Variants in ETV6 observed in about 807,000 individuals in gnomAD.
The protein encoded by ETV6 is ETS variant transcription factor 6, also known as transcription factor ETV6.
ETV6 carries 16 observed loss-of-function variants against 51.1 expected under a neutral mutation model. The ratio of observed to expected loss-of-function variants is 0.31; its 90% CI spans 0.21 to 0.48. The LOEUF (loss-of-function observed/expected upper bound fraction) is 0.48, where lower values mean the gene tolerates loss of function less well. Among genes scored for constraint, ETV6 ranks in the 20% least tolerant of loss-of-function variants. The pLI, the probability that ETV6 is intolerant of heterozygous loss-of-function variation, is 0.99. For synonymous variants in ETV6, 240 were observed against 224.1 expected (o/e 1.07, Z -0.64); for missense variants, 458 against 594.8 (o/e 0.77, Z 2.39).
At chr12:11,726,136 A>G (rs115626291) in intron 1 of ETV6, among the ~76,000 whole-genome samples, 16 of 152,318 alleles carry the variant, frequency 1.1e-4, no homozygotes, top group African/African-American at 3.8e-4. Flanking sequence ...AGAAATGTTT[A>G]TGTACTCTAG....
At chr12:11,757,464 C>T (rs1945024536) in intron 2 of ETV6, among the ~76,000 whole-genome samples, 1 of 151,362 alleles carries the variant, frequency 6.6e-6, no homozygotes. Flanking sequence ...TGAACGTGAT[C>T]ATCATTATTA....
chr12:11,776,364 G>A (rs1464766712), intron 2 of ETV6, among the ~76,000 whole-genome samples: 1 of 150,938 alleles, frequency 6.6e-6, no homozygotes. Flanking sequence ...TTGATTTTTA[G>A]AATAATAAAA....
chr12:11,745,427 T>C (rs1268243741), intron 1 of ETV6, among the ~76,000 whole-genome samples: 1 of 152,258 alleles, frequency 6.6e-6, no homozygotes, highest in Admixed American at 6.5e-5. Context: ...GGCTCTGTCC[T>C]CTGCTACTAC....
intron 1 of ETV6, among the ~76,000 whole-genome samples, chr12:11,667,878 T>A (rs1864225960): frequency 6.6e-6 from 1 of 151,960 alleles, no homozygotes; most frequent in Non-Finnish European, 1.5e-5. Context: ...AATTTTGTAT[T>A]TTTAGCAGAG....
At chr12:11,706,567 G>T (rs908464509) in intron 1 of ETV6, among the ~76,000 whole-genome samples, 2 of 152,190 alleles carry the variant, frequency 1.3e-5, no homozygotes, top group East Asian at 3.8e-4. Context: ...TCCTTACCTG[G>T]CAGGTTACTG....
At position 11,869,750 on chromosome 12, in the gene ETV6, C is replaced by G. The variant is rs745867456; in HGVS notation, c.790C>G (p.Arg264Gly). 6.2e-7 allele frequency: 1 copy of G among 1,613,680 alleles called. No individual in the cohort carries two copies. Among genetic ancestry groups the G allele is most frequent in the Non-Finnish European group, 8.5e-7 (1 of 1,180,024 alleles). Residue 264 changes from arginine to glycine, a missense_variant, in exon 5 of 8, where the codon CGC (arginine) becomes GGC (glycine). By Grantham distance (125) the Arg-to-Gly change is moderately radical. Around this residue, in one of 4 missense-constraint regions of ETV6, gnomAD observed 293 missense variants for 315.7 expected, o/e 0.93. Transcript: ENST00000396373. The surrounding 1 kb of genome is among the most constrained non-coding windows in gnomAD (Gnocchi z 5.0). ...ATCCAGCCCCCGGCAGGAGAGCACA[C>G]GCGTGATCCAGCTGATGCCCAGCCC... is the stretch of plus-strand genomic sequence containing the variant. ...KPSSPRQEST[R>G]VIQLMPSPIM...
intron 4 of ETV6, among the ~76,000 whole-genome samples, chr12:11,854,944 A>C (rs866092992): frequency 4.6e-5 from 7 of 152,198 alleles, no homozygotes; most frequent in Admixed American, 1.3e-4. Flanking sequence ...CCAGAATTTA[A>C]TTTAGGCCCT....
In ETV6 at chr12:11,891,986, T is replaced by A. The variant is rs1393669333; in HGVS notation, c.*940T>A. The A allele has an allele frequency of 8.5e-6, 2 of 234,438 alleles. No homozygotes were observed. Among genetic ancestry groups the A allele is most frequent in the Admixed American group, 5.6e-5 (1 of 17,960 alleles). 14.5% of individuals were successfully genotyped at this position (234,438 alleles called of 1,614,324 possible). On this transcript the variant is annotated 3_prime_UTR_variant, in exon 8 of 8. Coordinates refer to ENST00000396373, the MANE Select transcript of ETV6 (RefSeq NM_001987.5). ...GATAAGGATGGAAGGCTGTCCAAGTTATTTGGAAGGCCTCGGCAGCTTGGG... is the reference window on the plus strand; with the variant it reads ...GATAAGGATGGAAGGCTGTCCAAGTAATTTGGAAGGCCTCGGCAGCTTGGG...
At chr12:11,685,477 T>A (rs1229907551) in intron 1 of ETV6, among the ~76,000 whole-genome samples, 1 of 152,168 alleles carries the variant, frequency 6.6e-6, no homozygotes, top group African/African-American at 2.4e-5. Context: ...TTGGGACACT[T>A]CCTAATTTTT....
chr12:11,869,443 C>T lies in ETV6; in HGVS notation c.483C>T (p.Thr161=). The T allele has an allele frequency of 6.2e-7, 1 of 1,611,694 alleles. No homozygotes were observed. The highest frequency in any genetic ancestry group is 8.5e-7 in the Non-Finnish European group (1 of 1,178,694). The change falls in exon 5 of 8, where the codon ACC becomes ACT. Residue 161 remains threonine, a synonymous_variant. Transcript: ENST00000396373. This position sits in a 1 kb window ranked among gnomAD's most constrained non-coding sequence, Gnocchi z 5.0. The stretch of plus-strand genomic sequence containing the variant: ...CCACAGATAACTGTGTCCAGAGGAC[C>T]CCCAGGCCATCCGTGGATAATGTGC... ...NHEEDNCVQR[T]PRPSVDNVHH...
chr12:11,669,388 T>TC (rs2120686738), intron 1 of ETV6, among the ~76,000 whole-genome samples: 1 of 120,986 alleles, frequency 8.3e-6, no homozygotes, highest in East Asian at 2.8e-4. Context: ...CCTCCCTCCC[T>TC]CCCTCCTTTC....
chr12:11,851,514 G>A (rs1946554243), intron 3 of ETV6, among the ~76,000 whole-genome samples: 4 of 152,158 alleles, frequency 2.6e-5, no homozygotes, highest in Admixed American at 2.6e-4. Flanking sequence ...TACTAGGTTT[G>A]GATTCAATGA....
intron 3 of ETV6, among the ~76,000 whole-genome samples, chr12:11,850,192 G>A (rs189184192): frequency 3.2e-4 from 48 of 152,124 alleles, no homozygotes; most frequent in Admixed American, 6.5e-4. Flanking sequence ...CACTTGACCC[G>A]CCCCTCCCCC....
At chr12:11,703,537 A>G (rs1865021344) in intron 1 of ETV6, among the ~76,000 whole-genome samples, 1 of 152,188 alleles carries the variant, frequency 6.6e-6, no homozygotes, top group Non-Finnish European at 1.5e-5. Context: ...GAAGTTTATA[A>G]CACATACTCT....
At chr12:11,669,315 T>C (rs1864258314) in intron 1 of ETV6, among the ~76,000 whole-genome samples, 1 of 149,080 alleles carries the variant, frequency 6.7e-6, no homozygotes, top group Non-Finnish European at 1.5e-5. Flanking sequence ...GATGGACTTC[T>C]TTCCTTCCTC....
At chr12:11,886,876 A>G (rs1161227532) in intron 7 of ETV6, among the ~76,000 whole-genome samples, 1 of 152,188 alleles carries the variant, frequency 6.6e-6, no homozygotes, top group Non-Finnish European at 1.5e-5. Flanking sequence ...GAGATCAACA[A>G]ACACAACCTT....
intron 1 of ETV6, among the ~76,000 whole-genome samples, chr12:11,746,694 G>A (rs1259224132): frequency 6.6e-6 from 1 of 151,708 alleles, no homozygotes; most frequent in Non-Finnish European, 1.5e-5. Flanking sequence ...CTTGATGGAT[G>A]CTGAAATATT....
chr12:11,837,390 A>G (rs1290731734), intron 2 of ETV6, among the ~76,000 whole-genome samples: 3 of 152,080 alleles, frequency 2.0e-5, no homozygotes, highest in African/African-American at 7.2e-5. Context: ...GGTGCACTAC[A>G]AAAAAGGAAT....
At chr12:11,852,939 C>G (rs1023543402) in intron 3 of ETV6, among the ~76,000 whole-genome samples, 5 of 152,208 alleles carry the variant, frequency 3.3e-5, no homozygotes, top group Admixed American at 6.5e-5. Flanking sequence ...GTAATCCCAG[C>G]ACTTTGGGAG....
Sources: allele counts gnomAD v4.1 joint callset (sites outside exome capture counted in the v4.1 genomes callset), GRCh38; gene constraint gnomAD v4.1.1; regional missense constraint gnomAD v4.1.1; non-coding constraint Gnocchi (gnomAD v3.1); transcripts MANE v1.5; gene names NCBI Gene and HGNC (gene_info 2026-07-23, HGNC 2026-07-21).